The following GRAMD1B variants were observed in gnomAD, a reference collection of about 807,000 sequenced individuals.
GRAMD1B encodes protein Aster-B.
In GRAMD1B, 37 loss-of-function variants were observed where a neutral mutation model predicts 99.7. That is an observed-to-expected ratio of 0.37 (90% confidence interval 0.29 to 0.49). The LOEUF (loss-of-function observed/expected upper bound fraction) is 0.49. Ranked by LOEUF, GRAMD1B falls within the 20% of genes least tolerant of loss-of-function variation. The probability of loss-of-function intolerance (pLI) is 0.98; values close to 1 mark genes in which losing one functional copy is unlikely to be tolerated. For missense variants in GRAMD1B, 888 were observed against 1,009.2 expected (o/e 0.88, Z 1.63); for synonymous variants, 427 against 387.6 (o/e 1.10, Z -1.19).
Position 123,447,631 on chromosome 11 carries a change from C to T in GRAMD1B, c.374+16465C>T, listed in dbSNP as rs79550317. ...GTCCTGGGCAGATTACTCACTCTCT[C>T]TGGGCCTCAGTGAGATTATAAAATG... On this transcript the variant is annotated intron_variant, in intron 1 of 19. Coordinates refer to ENST00000635736, the MANE Select transcript of GRAMD1B (RefSeq NM_001387025.1). Among the ~76,000 whole-genome samples, 19 of 152,340 alleles carry T rather than the reference C, an allele frequency of 1.2e-4. No individual in the cohort carries two copies. The East Asian group carries it at 3.1e-3, about 25-fold the overall frequency.
intron 1 of GRAMD1B, among the ~76,000 whole-genome samples, chr11:123,376,574 T>G (rs933196576): frequency 1.3e-4 from 20 of 152,200 alleles, no homozygotes; most frequent in African/African-American, 4.6e-4. Context: ...GACTTGAGAA[T>G]TGAAATCCTG....
chr11:123,608,663 G>A lies in GRAMD1B; in HGVS notation c.1518G>A (p.Glu506=). 1 of 1,578,310 alleles carries A rather than the reference G, an allele frequency of 6.3e-7. No individual in the cohort carries two copies. Among genetic ancestry groups the A allele is most frequent in the Non-Finnish European group, 8.6e-7 (1 of 1,161,084 alleles). The change falls in exon 12 of 20, where the codon GAG becomes GAA. Residue 506 remains glutamate, a synonymous_variant. Transcript: ENST00000635736. ...CTGATCCTCTCTTCTGTGCAGGAGA[G>A]GTCCAGGCCTTCTATGAGGACCTGA... ...SDSSDTHDEG[E]VQAFYEDLSG... is the part of the protein sequence containing the mutation.
intron 2 of GRAMD1B, among the ~76,000 whole-genome samples, chr11:123,558,806 G>C (rs913019428): frequency 6.6e-6 from 1 of 152,162 alleles, no homozygotes; most frequent in Admixed American, 6.5e-5. Flanking sequence ...TCTGCTTCCC[G>C]GATACTGTGC....
At chr11:123,621,959 CTT>C (rs763608056) in intron 19 of GRAMD1B, among the ~76,000 whole-genome samples, 2 of 39,450 alleles carry the variant, frequency 5.1e-5, no homozygotes, top group Non-Finnish European at 1.1e-4. Flanking sequence ...TTTCTTTCTT[CTT>C]TCTTTCTTTC....
At chr11:123,568,797 C>T (rs780054278) in intron 2 of GRAMD1B, among the ~76,000 whole-genome samples, 5 of 152,188 alleles carry the variant, frequency 3.3e-5, no homozygotes, top group Non-Finnish European at 7.3e-5. Flanking sequence ...CAAAGCTGTT[C>T]TGGTCCCTTC....
At chr11:123,608,837 C>A in intron 12 of GRAMD1B, 35 bp downstream of exon 12, 1 of 1,278,754 alleles carries the variant, frequency 7.8e-7, no homozygotes, top group Non-Finnish European at 1.1e-6. Context: ...CCCATTCCTC[C>A]CTCTTCATCC....
chr11:123,560,260 C>A (rs569637290), intron 2 of GRAMD1B: 170 of 1,088,652 alleles, frequency 1.6e-4, no homozygotes, highest in Non-Finnish European at 1.9e-4. Flanking sequence ...GCGTGCGTGC[C>A]TGAGCTCAGA....
At chr11:123,411,236 T>C (rs934616558) in intron 1 of GRAMD1B, among the ~76,000 whole-genome samples, 35 of 151,964 alleles carry the variant, frequency 2.3e-4, no homozygotes, top group African/African-American at 8.0e-4. Flanking sequence ...GATCTCCTGA[T>C]CTCGTGATCC....
At chr11:123,392,050 G>A (rs185065517) in intron 1 of GRAMD1B, among the ~76,000 whole-genome samples, 321 of 152,302 alleles carry the variant, frequency 2.1e-3, no homozygotes, top group African/African-American at 7.2e-3. Flanking sequence ...TCTGAATAGA[G>A]TGAGGGACTG....
At chr11:123,360,319 C>T (rs988829428) in intron 1 of GRAMD1B, among the ~76,000 whole-genome samples, 1 of 152,172 alleles carries the variant, frequency 6.6e-6, no homozygotes, top group African/African-American at 2.4e-5. Context: ...ATTTATGGGA[C>T]CTTCACTGCA....
chr11:123,560,070 C>A (rs1055387484), intron 2 of GRAMD1B, among the ~76,000 whole-genome samples: 2 of 150,770 alleles, frequency 1.3e-5, no homozygotes, highest in Non-Finnish European at 2.9e-5. Flanking sequence ...AAATAACCCC[C>A]CCCCCCGCAG....
chr11:123,567,124 T>TA (rs1045520852), intron 2 of GRAMD1B, among the ~76,000 whole-genome samples: 84 of 152,270 alleles, frequency 5.5e-4, no homozygotes, highest in Admixed American at 5.5e-3. Context: ...TTCAAAATGT[T>TA]AGAGTAAGAG....
intron 1 of GRAMD1B, among the ~76,000 whole-genome samples, chr11:123,369,088 A>T (rs907277415): frequency 6.6e-6 from 1 of 152,152 alleles, no homozygotes; most frequent in Non-Finnish European, 1.5e-5. Flanking sequence ...TGAGGCTGGG[A>T]GTTTAAGACT....
chr11:123,517,905 C>T (rs1354323017), intron 2 of GRAMD1B, among the ~76,000 whole-genome samples: 1 of 152,120 alleles, frequency 6.6e-6, no homozygotes, highest in Non-Finnish European at 1.5e-5. Context: ...TGTATGGGTG[C>T]CCCCTCCCGG....
intron 4 of GRAMD1B, among the ~76,000 whole-genome samples, chr11:123,592,162 G>A (rs1335085220): frequency 6.6e-6 from 1 of 152,186 alleles, no homozygotes; most frequent in African/African-American, 2.4e-5. Context: ...GCTGACACTG[G>A]AACTCTGTAA....
chr11:123,599,511 C>A, intron 7 of GRAMD1B: 2 of 551,820 alleles, frequency 3.6e-6, no homozygotes, highest in South Asian at 1.5e-5. Flanking sequence ...CTCACTCTGT[C>A]ACCCAGGCTG....
intron 4 of GRAMD1B, 79 bp downstream of exon 4, chr11:123,584,411 G>GTGCGATTGGGGA (rs1949843905): frequency 6.5e-6 from 1 of 153,636 alleles, no homozygotes; most frequent in East Asian, 2.0e-4. Context: ...GGGGTGTGGG[G>GTGCGATTGGGGA]TGCGGTTGGG....
chr11:123,618,850 A>G (rs2137117848), intron 18 of GRAMD1B, 50 bp downstream of exon 18: 2 of 912,194 alleles, frequency 2.2e-6, no homozygotes, highest in Admixed American at 2.0e-5. Flanking sequence ...ACCCAGTGCC[A>G]TGATACCTGT....
At chr11:123,442,110 A>G (rs994702133) in intron 1 of GRAMD1B, among the ~76,000 whole-genome samples, 24 of 152,154 alleles carry the variant, frequency 1.6e-4, no homozygotes, top group African/African-American at 5.8e-4. Flanking sequence ...CAGTGGACAC[A>G]AACTGGGTGT....
Sources: gnomAD v4.1 joint callset for allele counts (sites outside exome capture counted in the v4.1 genomes callset) on GRCh38, gnomAD v4.1.1 for gene constraint, MANE v1.5 for transcripts, NCBI Gene and HGNC (gene_info 2026-07-23, HGNC 2026-07-21) for gene names.